The following HECW2 variants were observed in gnomAD, a reference collection of about 807,000 sequenced individuals.
HECW2 encodes the protein E3 ubiquitin-protein ligase HECW2.
Under a neutral mutation model 175.2 loss-of-function variants are expected in HECW2, and 61 were observed. That is an observed-to-expected ratio of 0.35 (90% CI 0.28 to 0.43). HECW2 has a LOEUF of 0.43. Ranked by LOEUF, HECW2 falls within the 20% of genes least tolerant of loss-of-function variation. HECW2 has a pLI of 1.00. For synonymous variants in HECW2, 671 were observed against 731.0 expected, an observed-to-expected ratio of 0.92 and a Z score of 1.32; for missense variants, 1,524 against 2,000.5, an observed-to-expected ratio of 0.76 and a Z score of 4.54.
intron 28 of HECW2, among the ~76,000 whole-genome samples, chr2:196,209,027 T>C (rs1687169285): frequency 1.3e-5 from 2 of 152,194 alleles, no homozygotes; most frequent in South Asian, 4.1e-4. Context: ...GATGGTGTCA[T>C]GGACTAGGCT....
At chr2:196,451,671 A>C (rs1325280605) in intron 1 of HECW2, among the ~76,000 whole-genome samples, 1 of 152,032 alleles carries the variant, frequency 6.6e-6, no homozygotes, top group Non-Finnish European at 1.5e-5. Context: ...AGGCCAAGGC[A>C]AGAGGATCAC....
At chr2:196,394,220 C>A (rs1159179833) in intron 2 of HECW2, among the ~76,000 whole-genome samples, 2 of 152,018 alleles carry the variant, frequency 1.3e-5, no homozygotes, top group Non-Finnish European at 2.9e-5. Context: ...TTAATGGGTG[C>A]AGCACACCAA....
intron 1 of HECW2, among the ~76,000 whole-genome samples, chr2:196,485,643 T>C (rs564518420): frequency 3.9e-5 from 6 of 152,268 alleles, no homozygotes; most frequent in Admixed American, 3.3e-4. Flanking sequence ...TTTTGGGTGA[T>C]ATCCAGACCA....
At chr2:196,313,746 TAA>T (rs1691586338) in intron 10 of HECW2, among the ~76,000 whole-genome samples, 1 of 151,772 alleles carries the variant, frequency 6.6e-6, no homozygotes, top group African/African-American at 2.4e-5. Context: ...ATAATAATGA[TAA>T]AGAGAAAGAA....
chr2:196,315,904 T>C (rs1037854474), intron 10 of HECW2: 2 of 152,206 alleles, frequency 1.3e-5, no homozygotes, highest in African/African-American at 4.8e-5. Context: ...TCTGAAACTC[T>C]AAATGACTAT....
chr2:196,389,663 G>A (rs915216812), intron 2 of HECW2, among the ~76,000 whole-genome samples: 9 of 152,174 alleles, frequency 5.9e-5, no homozygotes, highest in Admixed American at 2.0e-4. Flanking sequence ...CAGAAAGGCA[G>A]ACTAAATTGA....
chr2:196,312,780 A>G (rs190991907), intron 10 of HECW2, among the ~76,000 whole-genome samples: 54 of 152,352 alleles, frequency 3.5e-4, no homozygotes, highest in Admixed American at 1.3e-3. Context: ...AATTTTTAAT[A>G]AGGTAGCTTT....
intron 1 of HECW2, among the ~76,000 whole-genome samples, chr2:196,482,192 A>G (rs961769614): frequency 6.6e-5 from 10 of 152,352 alleles, no homozygotes; most frequent in Admixed American, 5.2e-4. Flanking sequence ...CACAGGGCCA[A>G]TATGGACCCT....
At chr2:196,569,972 C>G (rs985513608) in intron 1 of HECW2, among the ~76,000 whole-genome samples, 4 of 152,288 alleles carry the variant, frequency 2.6e-5, no homozygotes, top group African/African-American at 9.6e-5. Flanking sequence ...GCCTATAATG[C>G]GCTATGATCA....
At chr2:196,518,191 G>GTGATAAATTAAATTAATCACATT (rs1688217275) in intron 1 of HECW2, among the ~76,000 whole-genome samples, 1 of 152,010 alleles carries the variant, frequency 6.6e-6, no homozygotes, top group Non-Finnish European at 1.5e-5. Context: ...CAGGTCTCTT[G>GTGATAAATTAAATTAATCACATT]TAATCCAAAA....
intron 1 of HECW2, among the ~76,000 whole-genome samples, chr2:196,526,633 T>A (rs1342024012): frequency 3.7e-5 from 5 of 134,530 alleles, no homozygotes; most frequent in African/African-American, 1.4e-4. Flanking sequence ...TCTTTGATGA[T>A]GGTGATAAAC....
At chr2:196,390,433 C>T (rs187724248) in intron 2 of HECW2, among the ~76,000 whole-genome samples, 8 of 152,276 alleles carry the variant, frequency 5.3e-5, no homozygotes, top group East Asian at 3.9e-4. Context: ...GATCACTTAT[C>T]GTGACTTTGC....
At chr2:196,553,680 G>A (rs1244764370) in intron 1 of HECW2, among the ~76,000 whole-genome samples, 1 of 152,206 alleles carries the variant, frequency 6.6e-6, no homozygotes, top group Non-Finnish European at 1.5e-5. Flanking sequence ...TTTAAACTCT[G>A]ATTTGCGGAA....
chr2:196,201,979 A>C (rs1686874152), intron 28 of HECW2, among the ~76,000 whole-genome samples: 1 of 152,178 alleles, frequency 6.6e-6, no homozygotes, highest in Non-Finnish European at 1.5e-5. Flanking sequence ...CTCCCAATTC[A>C]CAATAACAAA....
intron 13 of HECW2, among the ~76,000 whole-genome samples, chr2:196,298,684 T>C (rs1284650526): frequency 6.6e-6 from 1 of 152,178 alleles, no homozygotes; most frequent in African/African-American, 2.4e-5. Context: ...TGTGTGATGT[T>C]CCCCTTCCTG....
At position 196,306,649 on chromosome 2, in the gene HECW2, C is replaced by G. The variant is rs1210738623; in HGVS notation, c.2690-37G>C. ...AGACCACAGAGGCGGTCAGGGAAAT[C>G]TTTCTATGATGTGAAAACTATCTAC... On this transcript the variant is annotated intron_variant, in intron 12 of 28. Transcript: ENST00000644978. 7 of 1,568,816 alleles carry G rather than the reference C, an allele frequency of 4.5e-6. No homozygotes were observed. In the Admixed American group the frequency reaches 1.1e-4, roughly 25 times the overall value.
At position 196,319,541 on chromosome 2, in the gene HECW2, C is replaced by T; in HGVS notation, c.1349G>A (p.Ser450Asn). ...ATTGAGTCTTGTGTCAGTGGGAAAA[C>T]TACTCCTCAGTTTCGGAGAGGCACC... is the stretch of plus-strand genomic sequence containing the variant. ...SMGASPKLRSSFPTDTRLNAM... is the reference protein window; with the variant it reads ...SMGASPKLRSNFPTDTRLNAM... Residue 450 changes from serine (S) to asparagine (N), a missense_variant, in exon 9 of 29, where the codon AGT becomes AAT. Around this residue, in one of 11 missense-constraint regions of HECW2, gnomAD observed 604 missense variants for 588.3 expected, o/e 1.03. Coordinates refer to ENST00000644978, the MANE Select transcript of HECW2 (RefSeq NM_001348768.2). 4 of 1,614,188 alleles carry T rather than the reference C, an allele frequency of 2.5e-6. No individual in the cohort carries two copies. Among genetic ancestry groups the T allele is most frequent in the Non-Finnish European group, 3.4e-6 (4 of 1,180,024 alleles).
intron 2 of HECW2, among the ~76,000 whole-genome samples, chr2:196,417,353 ATAAGATGTCAC>A (rs1392575173): frequency 6.6e-6 from 1 of 152,230 alleles, no homozygotes; most frequent in Non-Finnish European, 1.5e-5. Flanking sequence ...GCATCACATA[ATAAGATGTCAC>A]TAAGATGACA....
In HECW2 at chr2:196,256,504, T is replaced by C. The variant is rs187132319; in HGVS notation, c.3419+1319A>G. On this transcript the variant is annotated intron_variant, in intron 18 of 28. Transcript: ENST00000644978. Reference sequence around the variant, plus strand: ...CTATAGTAAAATAAATTTAAGACTATACCATCTAAATATTATTTAACTATG... The same window carrying C: ...CTATAGTAAAATAAATTTAAGACTACACCATCTAAATATTATTTAACTATG... Among the ~76,000 whole-genome samples, 117 of 152,342 alleles carry C rather than the reference T, an allele frequency of 7.7e-4. 1 individual carries two copies. The highest frequency in any genetic ancestry group is 2.6e-3 in the African/African-American group (110 of 41,568).
Sources: allele counts gnomAD v4.1 joint callset (sites outside exome capture counted in the v4.1 genomes callset), GRCh38; gene constraint gnomAD v4.1.1; regional missense constraint gnomAD v4.1.1; transcripts MANE v1.5; gene names NCBI Gene and HGNC (gene_info 2026-07-23, HGNC 2026-07-21).